Variants in SLCO6A1 observed in about 807,000 individuals in gnomAD.
SLCO6A1 encodes the protein cancer/testis antigen 48.
In SLCO6A1, 65 loss-of-function variants were observed where a neutral mutation model predicts 72.7. The observed-to-expected ratio is 0.89, with a 90% CI of 0.73 to 1.10. SLCO6A1 has a LOEUF of 1.10. Among genes scored for constraint, SLCO6A1 ranks in the 50% least tolerant of loss-of-function variants. SLCO6A1 has a pLI of 0.00. For missense variants in SLCO6A1, 874 were observed against 872.6 expected, an observed-to-expected ratio of 1.00 and a Z score of -0.02; for synonymous variants, 314 against 298.2, an observed-to-expected ratio of 1.05 and a Z score of -0.55.
intron 8 of SLCO6A1, among the ~76,000 whole-genome samples, chr5:102,415,940 A>G (rs1194667598): frequency 6.6e-6 from 1 of 152,194 alleles, no homozygotes; most frequent in Non-Finnish European, 1.5e-5. Context: ...CAAATAGCCA[A>G]CAGGTGTATG....
intron 1 of SLCO6A1, among the ~76,000 whole-genome samples, chr5:102,493,278 C>T (rs1752767100): frequency 6.6e-6 from 1 of 152,098 alleles, no homozygotes; most frequent in African/African-American, 2.4e-5. Context: ...TTAAGTCCAG[C>T]AATACGCAGA....
At chr5:102,385,600 C>T (rs1267377731) in intron 12 of SLCO6A1, among the ~76,000 whole-genome samples, 5 of 151,988 alleles carry the variant, frequency 3.3e-5, no homozygotes, top group African/African-American at 4.8e-5. Flanking sequence ...TTGAAGTTCT[C>T]TATGAAATTT....
At chr5:102,482,463 T>C (rs765011936) in intron 1 of SLCO6A1, among the ~76,000 whole-genome samples, 2 of 152,192 alleles carry the variant, frequency 1.3e-5, no homozygotes, top group African/African-American at 4.8e-5. Flanking sequence ...TGATCGCAGA[T>C]AACATACATA....
rs757859627 is a variant in SLCO6A1 at position 102,475,808 on chromosome 5, C to G, written c.803-15G>C. On this transcript the variant is annotated splice_polypyrimidine_tract_variant and intron_variant, in intron 3 of 13. Transcript: ENST00000506729. ...TTCTGCAATACCTGTAAAATAAGCA[C>G]TGAAACTGAACATCAAACAATTTCA... 9 of 1,547,194 alleles carry G rather than the reference C, an allele frequency of 5.8e-6. No homozygotes were observed. The highest frequency in any genetic ancestry group is 5.6e-5 in the Admixed American group (3 of 53,122).
chr5:102,458,565 A>C, intron 5 of SLCO6A1, 74 bp from the exon 6 acceptor site: 1 of 905,460 alleles, frequency 1.1e-6, no homozygotes, highest in Non-Finnish European at 1.7e-6. Context: ...CTACATACAC[A>C]CCCTAATAAA....
chr5:102,476,966 A>G (rs1461334425), intron 3 of SLCO6A1, among the ~76,000 whole-genome samples: 1 of 152,148 alleles, frequency 6.6e-6, no homozygotes, highest in East Asian at 1.9e-4. Flanking sequence ...ATTCTGAGAT[A>G]TAGCCAGGAT....
At chr5:102,458,540 A>G (rs1447328161) in intron 5 of SLCO6A1, 49 bp from the exon 6 acceptor site, 1 of 1,333,292 alleles carries the variant, frequency 7.5e-7, no homozygotes, top group South Asian at 1.3e-5. Context: ...AATAACTAAA[A>G]CCCATACATA....
intron 1 of SLCO6A1, among the ~76,000 whole-genome samples, chr5:102,484,400 A>T (rs760665541): frequency 6.6e-6 from 1 of 152,188 alleles, no homozygotes; most frequent in African/African-American, 2.4e-5. Flanking sequence ...CTGTAATCCC[A>T]GCAGTTTGGG....
intron 7 of SLCO6A1, among the ~76,000 whole-genome samples, chr5:102,435,076 A>T (rs1226420091): frequency 1.3e-5 from 2 of 152,172 alleles, no homozygotes; most frequent in African/African-American, 2.4e-5. Flanking sequence ...CCAATCTTGG[A>T]TCCATTTTAA....
chr5:102,406,941 G>A (rs548908959), intron 9 of SLCO6A1, among the ~76,000 whole-genome samples: 2 of 152,190 alleles, frequency 1.3e-5, no homozygotes, highest in African/African-American at 2.4e-5. Context: ...TATGGAACAG[G>A]AGTAGAAATG....
At chr5:102,457,458 T>C (rs765969689) in intron 6 of SLCO6A1, among the ~76,000 whole-genome samples, 137 of 151,476 alleles carry the variant, frequency 9.0e-4, no homozygotes, top group Non-Finnish European at 1.7e-3. Context: ...AACAGACACT[T>C]CTCAAAAAAA....
intron 1 of SLCO6A1, among the ~76,000 whole-genome samples, chr5:102,498,223 G>A (rs914059371): frequency 6.6e-5 from 10 of 152,286 alleles, no homozygotes; most frequent in African/African-American, 2.2e-4. Context: ...CCGCACAGCC[G>A]GCTCTGCGTG....
intron 9 of SLCO6A1, among the ~76,000 whole-genome samples, chr5:102,405,849 T>G (rs759084979): frequency 6.6e-6 from 1 of 152,090 alleles, no homozygotes; most frequent in African/African-American, 2.4e-5. Context: ...TTTGAATATA[T>G]GTATAGCTAT....
At chr5:102,427,858 ATATATATTTTTT>A (rs1327665692) in intron 7 of SLCO6A1, among the ~76,000 whole-genome samples, 47 of 116,172 alleles carry the variant, frequency 4.0e-4, no homozygotes, top group African/African-American at 2.2e-3. Flanking sequence ...ATATATATAT[ATATATATTTTTT>A]TTTTTTTTTT....
chr5:102,427,864 A>T (rs13355787), intron 7 of SLCO6A1, among the ~76,000 whole-genome samples: 2,500 of 76,326 alleles, frequency 0.033, 113 homozygotes, highest in Non-Finnish European at 0.045. Flanking sequence ...ATATATATAT[A>T]TTTTTTTTTT....
chr5:102,453,878 T>C (rs141374577), intron 6 of SLCO6A1, among the ~76,000 whole-genome samples: 1 of 152,182 alleles, frequency 6.6e-6, no homozygotes, highest in East Asian at 1.9e-4. Flanking sequence ...CATATTCAAG[T>C]TTCAGGCAGT....
intron 9 of SLCO6A1, among the ~76,000 whole-genome samples, chr5:102,400,985 A>T (rs555650883): frequency 1.3e-5 from 2 of 152,098 alleles, no homozygotes; most frequent in African/African-American, 4.8e-5. Context: ...GGACATTTTA[A>T]AAAAAAGGAA....
At chr5:102,422,444 C>T (rs1026207428) in intron 7 of SLCO6A1, among the ~76,000 whole-genome samples, 2 of 152,082 alleles carry the variant, frequency 1.3e-5, no homozygotes, top group Non-Finnish European at 2.9e-5. Context: ...TCTGATGGAG[C>T]TGAAAAACAC....
chr5:102,436,481 G>A (rs1749542977), intron 7 of SLCO6A1, among the ~76,000 whole-genome samples: 1 of 152,192 alleles, frequency 6.6e-6, no homozygotes, highest in African/African-American at 2.4e-5. Context: ...GGAACCTAAT[G>A]TCACTTTGGA....
Sources: allele counts gnomAD v4.1 joint callset (sites outside exome capture counted in the v4.1 genomes callset), GRCh38; gene constraint gnomAD v4.1.1; transcripts MANE v1.5; gene names NCBI Gene and HGNC (gene_info 2026-07-23, HGNC 2026-07-21).